Variants in IAH1 observed in about 807,000 individuals in gnomAD.
The protein encoded by IAH1 is isoamyl acetate-hydrolyzing esterase 1 homolog.
IAH1 carries 24 observed loss-of-function variants against 26.7 expected under a neutral mutation model. That is an observed-to-expected ratio of 0.90 (90% CI 0.65 to 1.26). The LOEUF (loss-of-function observed/expected upper bound fraction) is 1.26. Among genes scored for constraint, IAH1 ranks in the 50% most tolerant of loss-of-function variants. The probability of loss-of-function intolerance (pLI) is 0.00; values close to 1 mark genes in which losing one functional copy is unlikely to be tolerated. For missense variants in IAH1, 300 were observed against 299.9 expected (o/e 1.00, Z 0.00); for synonymous variants, 140 against 118.5 (o/e 1.18, Z -1.18).
chr2:9,475,503 C>CTTT (rs942486386), intron 1 of IAH1, among the ~76,000 whole-genome samples: 1 of 121,366 alleles, frequency 8.2e-6, no homozygotes, highest in Non-Finnish European at 1.8e-5. Flanking sequence ...TTTTTTTTTT[C>CTTT]TTTTTTTCTT....
rs1661920934 is a variant in IAH1, at chr2:9,489,621, T to C, written c.*1292T>C. Reference sequence around the variant, plus strand: ...CCCAAATGATTTCTAAATTTAGATATATATTTTCCCTGCTACATAAAAACT... The same window carrying C: ...CCCAAATGATTTCTAAATTTAGATACATATTTTCCCTGCTACATAAAAACT... On this transcript the variant is annotated 3_prime_UTR_variant, in exon 6 of 6. Transcript: ENST00000497473. 6.6e-6 allele frequency: 1 copy of C among 151,126 alleles called. No homozygotes were observed. Among genetic ancestry groups the C allele is most frequent in the Admixed American group, 6.7e-5 (1 of 15,024 alleles). 9.4% of individuals were successfully genotyped at this position (151,126 alleles called of 1,614,324 possible). A position where few individuals can be genotyped will look rare whatever the true frequency, so the allele number is the denominator to read the frequency against.
At chr2:9,482,099 T>G (rs1050821717) in intron 4 of IAH1, among the ~76,000 whole-genome samples, 1 of 149,410 alleles carries the variant, frequency 6.7e-6, no homozygotes, top group Non-Finnish European at 1.5e-5. Context: ...TGGCACGATC[T>G]CGGCTCACTG....
Position 9,474,602 on chromosome 2 carries a change from C to G in IAH1, c.36C>G (p.Ala12=). 1 of 1,549,876 alleles carries G rather than the reference C, an allele frequency of 6.5e-7. No individual in the cohort carries two copies. Among genetic ancestry groups the G allele is most frequent in the Non-Finnish European group, 8.7e-7 (1 of 1,153,074 alleles). The part of the protein sequence containing the change: ...ALCEAAGCGS[A]LLWPRLLLFG... ...GCGAGGCCGCGGGCTGCGGGAGTGC[C>G]CTGCTCTGGCCTCGCTTGTTGCTCT... The change falls in exon 1 of 6, where the codon GCC becomes GCG. Residue 12 remains alanine (A), a synonymous_variant. Coordinates refer to ENST00000497473, the MANE Select transcript of IAH1 (RefSeq NM_001039613.3). This position sits in a 1 kb window ranked among gnomAD's most constrained non-coding sequence, Gnocchi z 4.3.
At chr2:9,493,014 C>T (rs1324519157), downstream of IAH1, 1 of 1,557,346 alleles carries the variant, frequency 6.4e-7, no homozygotes, top group African/African-American at 1.4e-5. Context: ...CAGTTAATGT[C>T]TTGACCAAGT....
At chr2:9,477,153 G>A (rs1660853934) in intron 2 of IAH1, among the ~76,000 whole-genome samples, 1 of 152,156 alleles carries the variant, frequency 6.6e-6, no homozygotes, top group African/African-American at 2.4e-5. Context: ...GAGTTTCGGT[G>A]GTGGTTCTGC....
chr2:9,503,559 A>G, the IAH1 span, among the ~76,000 whole-genome samples: 88,532 of 152,138 alleles, frequency 0.58, 27,116 homozygotes, highest in African/African-American at 0.71. Flanking sequence ...TTCTTTGGGC[A>G]GCCAGGAGCA....
intron 5 of IAH1, chr2:9,486,791 C>T (rs1349575051): frequency 6.6e-6 from 1 of 150,814 alleles, no homozygotes; most frequent in African/African-American, 2.4e-5. Context: ...ACTGTGCCAT[C>T]GTTCTCTAGC....
chr2:9,494,908 A>C (rs1466298056), intron 6 of IAH1: 1 of 992,148 alleles, frequency 1.0e-6, no homozygotes, highest in Admixed American at 3.0e-5. Flanking sequence ...TACTATCCAT[A>C]GCCCCCACCA....
At chr2:9,490,536 CAATT>C, downstream of IAH1, 1 of 1,599,264 alleles carries the variant, frequency 6.3e-7, no homozygotes, top group Non-Finnish European at 8.5e-7. Flanking sequence ...GACATGGGTT[CAATT>C]GATTGATAGG....
intron 4 of IAH1, among the ~76,000 whole-genome samples, chr2:9,482,028 T>TTC (rs1049272469): frequency 8.8e-6 from 1 of 113,142 alleles, no homozygotes; most frequent in African/African-American, 3.9e-5. Flanking sequence ...ATTATGGAAG[T>TTC]TCTCTTTTTT....
chr2:9,497,316 T>C (rs140249790), downstream of IAH1: 44 of 1,584,758 alleles, frequency 2.8e-5, 1 homozygote, highest in African/African-American at 4.8e-4. Context: ...AGGTGCATAA[T>C]ACGCTGTTTC....
At chr2:9,496,463 A>G (rs898996458) in exon 7 of IAH1, 4 of 152,334 alleles carry the variant, frequency 2.6e-5, no homozygotes, top group African/African-American at 9.7e-5. Context: ...GAACTCCCTC[A>G]TCGACTCCCA....
At chr2:9,483,220 A>C (rs1244060717) in intron 4 of IAH1, among the ~76,000 whole-genome samples, 1 of 152,204 alleles carries the variant, frequency 6.6e-6, no homozygotes, top group Non-Finnish European at 1.5e-5. Flanking sequence ...GAGGGGTCAC[A>C]TCTCAATAAC....
chr2:9,501,719 A>C, the IAH1 span, among the ~76,000 whole-genome samples: 2 of 152,132 alleles, frequency 1.3e-5, no homozygotes, highest in African/African-American at 4.8e-5. Context: ...TGTCATTTTG[A>C]TTGTTTCCAA....
intron 3 of IAH1, among the ~76,000 whole-genome samples, chr2:9,480,676 T>G (rs1299591791): frequency 6.6e-6 from 1 of 152,232 alleles, no homozygotes; most frequent in Non-Finnish European, 1.5e-5. Context: ...TCCTTTATAC[T>G]GTACTTACAT....
chr2:9,487,788 T>TGTGTGTG (rs1661620141), intron 5 of IAH1, among the ~76,000 whole-genome samples: 2 of 134,032 alleles, frequency 1.5e-5, no homozygotes, highest in East Asian at 2.3e-4. Flanking sequence ...CCCGGCCTTT[T>TGTGTGTG]TGTGTGTGTG....
At chr2:9,494,841 C>T in exon 6 of IAH1, 1 of 1,562,958 alleles carries the variant, frequency 6.4e-7, no homozygotes, top group South Asian at 1.2e-5. Context: ...TCTTTCCTCC[C>T]TGACCATGCT....
chr2:9,495,408 A>C (rs531376000), intron 6 of IAH1, among the ~76,000 whole-genome samples: 1 of 152,368 alleles, frequency 6.6e-6, no homozygotes, highest in Admixed American at 6.5e-5. Context: ...AAAAACAAGC[A>C]AAAAGAAAAC....
Position 9,489,730 on chromosome 2 carries a change from A to C in IAH1, c.*1401A>C, listed in dbSNP as rs1212631585. On this transcript the variant is annotated 3_prime_UTR_variant, in exon 6 of 6. Transcript: ENST00000497473. ...CCTTTGTTTTTAGTTGAAGGCAAAA[A>C]AAAAAAAAAAAAAAAAAAACTATTC... 2.6e-5 allele frequency: 2 copies of C among 77,206 alleles called. No homozygotes were observed. Among genetic ancestry groups the C allele is most frequent in the African/African-American group, 6.3e-5 (1 of 15,780 alleles). The allele number at this position is 77,206 out of a possible 1,614,324, so 4.8% of individuals were successfully genotyped here. A position where few individuals can be genotyped will look rare whatever the true frequency, so the allele number is the denominator to read the frequency against.
Sources: allele counts gnomAD v4.1 joint callset (sites outside exome capture counted in the v4.1 genomes callset), GRCh38; gene constraint gnomAD v4.1.1; non-coding constraint Gnocchi (gnomAD v3.1); transcripts MANE v1.5; gene names NCBI Gene and HGNC (gene_info 2026-07-23, HGNC 2026-07-21).